Variants in ADAMTSL3 observed in about 807,000 individuals in gnomAD.
The protein encoded by ADAMTSL3 is ADAMTS like 3, also known as ADAMTS-like protein 3.
A neutral mutation model predicts 201.7 loss-of-function variants in ADAMTSL3; 128 were observed. The ratio of observed to expected loss-of-function variants is 0.63; its 90% confidence interval spans 0.55 to 0.73. ADAMTSL3 has a LOEUF of 0.73. Ranked by LOEUF, ADAMTSL3 falls within the 30% of genes least tolerant of loss-of-function variation. The probability of loss-of-function intolerance (pLI) is 0.00; values close to 1 mark genes in which losing one functional copy is unlikely to be tolerated. For missense variants in ADAMTSL3, 1,990 were observed against 2,119.6 expected (o/e 0.94, Z 1.20); for synonymous variants, 738 against 748.4 (o/e 0.99, Z 0.23).
chr15:83,803,492 C>T (rs183017162), intron 4 of ADAMTSL3, among the ~76,000 whole-genome samples: 91 of 152,212 alleles, frequency 6.0e-4, no homozygotes, highest in Non-Finnish European at 1.0e-3. Context: ...GTTTAGCTTT[C>T]CTGGCTCCAA....
intron 10 of ADAMTSL3, among the ~76,000 whole-genome samples, chr15:83,889,163 CA>C (rs1437249086): frequency 2.0e-5 from 3 of 152,174 alleles, no homozygotes; most frequent in Non-Finnish European, 4.4e-5. Flanking sequence ...AGAAACTCTA[CA>C]AATTAGATTT....
intron 19 of ADAMTSL3, among the ~76,000 whole-genome samples, chr15:83,954,282 A>C (rs2066812411): frequency 6.6e-6 from 1 of 152,020 alleles, no homozygotes; most frequent in South Asian, 2.1e-4. Context: ...CAGGCTCACC[A>C]GTTCTTTCTT....
intron 6 of ADAMTSL3, among the ~76,000 whole-genome samples, chr15:83,823,946 CTTCTTCTTCTTCTTCTTCTT>C (rs2063948560): frequency 1.0e-5 from 1 of 99,580 alleles, no homozygotes. Context: ...TCTTCTTCTT[CTTCTTCTTCTTCTTCTTCTT>C]CTTCTTCTCC....
intron 17 of ADAMTSL3, among the ~76,000 whole-genome samples, chr15:83,931,079 G>A (rs1287842759): frequency 1.3e-5 from 2 of 152,172 alleles, no homozygotes; most frequent in East Asian, 1.9e-4. Context: ...TCCTATAACT[G>A]CTGAGTGCCT....
intron 23 of ADAMTSL3, among the ~76,000 whole-genome samples, chr15:84,004,251 CACA>C (rs1485808518): frequency 1.3e-5 from 2 of 152,142 alleles, no homozygotes; most frequent in African/African-American, 2.4e-5. Context: ...GCCTGGACAC[CACA>C]ACATCTCCCC....
intron 4 of ADAMTSL3, among the ~76,000 whole-genome samples, chr15:83,801,639 T>TATATAA (rs1217171252): frequency 4.0e-4 from 12 of 29,980 alleles, no homozygotes; most frequent in Admixed American, 1.7e-3. Flanking sequence ...TATATATAAA[T>TATATAA]ATATAAATAT....
chr15:83,991,272 C>CA, intron 23 of ADAMTSL3, 58 bp downstream of exon 23: 1 of 1,606,366 alleles, frequency 6.2e-7, no homozygotes, highest in East Asian at 2.2e-5. Context: ...GTGGCCATCC[C>CA]AGTGTTGCCA....
chr15:83,896,602 TA>T (rs1369758069), intron 13 of ADAMTSL3, among the ~76,000 whole-genome samples: 1 of 152,022 alleles, frequency 6.6e-6, no homozygotes, highest in Non-Finnish European at 1.5e-5. Context: ...GGGAAAATCA[TA>T]GGGGGAAAAA....
intron 2 of ADAMTSL3, among the ~76,000 whole-genome samples, chr15:83,695,514 C>T (rs542503943): frequency 4.0e-4 from 61 of 152,070 alleles, no homozygotes; most frequent in African/African-American, 1.4e-3. Flanking sequence ...GGGCCCGGGG[C>T]TCATATTTCT....
At chr15:83,969,140 C>T (rs897021246) in intron 19 of ADAMTSL3, among the ~76,000 whole-genome samples, 1 of 152,090 alleles carries the variant, frequency 6.6e-6, no homozygotes, top group African/African-American at 2.4e-5. Flanking sequence ...TATCCCAGAA[C>T]TTAAAGTATA....
At chr15:83,941,450 A>T (rs1226023961) in intron 17 of ADAMTSL3, among the ~76,000 whole-genome samples, 1 of 152,120 alleles carries the variant, frequency 6.6e-6, no homozygotes, top group Non-Finnish European at 1.5e-5. Context: ...GTTAGATATC[A>T]TCACTGGCAA....
intron 3 of ADAMTSL3, among the ~76,000 whole-genome samples, chr15:83,761,699 A>G (rs139095972): frequency 3.3e-4 from 50 of 152,366 alleles, no homozygotes; most frequent in African/African-American, 1.1e-3. Context: ...ACCCAAGAGC[A>G]TAGATAATAT....
chr15:83,711,928 T>C (rs1161916825), intron 3 of ADAMTSL3, among the ~76,000 whole-genome samples: 2 of 152,138 alleles, frequency 1.3e-5, no homozygotes, highest in African/African-American at 4.8e-5. Context: ...AAGGGGTGGG[T>C]ATAGGGTGGG....
At chr15:83,734,615 A>G (rs1051893513) in intron 3 of ADAMTSL3, among the ~76,000 whole-genome samples, 1 of 152,076 alleles carries the variant, frequency 6.6e-6, no homozygotes, top group Non-Finnish European at 1.5e-5. Flanking sequence ...CTGCCGGTTC[A>G]GGTATGGGTG....
intron 4 of ADAMTSL3, among the ~76,000 whole-genome samples, chr15:83,793,245 G>A (rs755594391): frequency 1.3e-5 from 2 of 152,064 alleles, no homozygotes; most frequent in Non-Finnish European, 2.9e-5. Context: ...TAGGTAAGAG[G>A]AATAAGTTTA....
intron 22 of ADAMTSL3, 65 bp downstream of exon 22, chr15:83,988,883 ATTTATTTTTTTT>A: frequency 9.8e-7 from 1 of 1,022,062 alleles, no homozygotes. Context: ...TTATTTATTT[ATTTATTTTTTTT>A]TTTTGAGACA....
intron 29 of ADAMTSL3, 113 bp from the exon 30 acceptor site, chr15:84,037,587 G>T (rs1484882800): frequency 8.1e-7 from 1 of 1,227,264 alleles, no homozygotes; most frequent in African/African-American, 1.5e-5. Flanking sequence ...ACCCAAAGCT[G>T]GTTTCTTCAC....
At chr15:83,763,457 C>A (rs1313110291) in intron 3 of ADAMTSL3, among the ~76,000 whole-genome samples, 3 of 149,516 alleles carry the variant, frequency 2.0e-5, no homozygotes, top group Non-Finnish European at 4.4e-5. Context: ...CCTCAGAAAT[C>A]TATATTTTTA....
chr15:83,921,824 A>G (rs1051080579), intron 16 of ADAMTSL3, among the ~76,000 whole-genome samples: 2 of 150,618 alleles, frequency 1.3e-5, no homozygotes, highest in Admixed American at 1.3e-4. Context: ...AGCTGGGACT[A>G]TAGGCACACC....
Sources: allele counts gnomAD v4.1 joint callset (sites outside exome capture counted in the v4.1 genomes callset), GRCh38; gene constraint gnomAD v4.1.1; transcripts MANE v1.5; gene names NCBI Gene and HGNC (gene_info 2026-07-23, HGNC 2026-07-21).